The following RGMA variants were observed in gnomAD, a reference collection of about 807,000 sequenced individuals.
The protein encoded by RGMA is repulsive guidance molecule BMP co-receptor a.
In RGMA, 10 loss-of-function variants were observed where a neutral mutation model predicts 23.2. The ratio of observed to expected loss-of-function variants is 0.43; its 90% CI spans 0.27 to 0.73. The LOEUF is 0.73. Ranked by LOEUF, RGMA falls within the 30% of genes least tolerant of loss-of-function variation. The pLI is 0.20. For synonymous variants in RGMA, 308 were observed against 279.3 expected, an observed-to-expected ratio of 1.10 and a Z score of -1.03; for missense variants, 547 against 630.5, an observed-to-expected ratio of 0.87 and a Z score of 1.42.
At chr15:93,054,533 C>T (rs903658416) in intron 2 of RGMA, among the ~76,000 whole-genome samples, 1 of 152,210 alleles carries the variant, frequency 6.6e-6, no homozygotes. Context: ...TTCCCCTGCA[C>T]ATGCTCTCTT....
At chr15:93,074,374 G>C (rs1293232479) in intron 1 of RGMA, among the ~76,000 whole-genome samples, 1 of 152,198 alleles carries the variant, frequency 6.6e-6, no homozygotes, top group Non-Finnish European at 1.5e-5. Flanking sequence ...GTGTGGAGAG[G>C]AGCAAGTTTG....
intron 2 of RGMA, chr15:93,066,614 G>A: frequency 2.2e-6 from 1 of 452,168 alleles, no homozygotes; most frequent in Non-Finnish European, 4.3e-6. Context: ...TCGCCGTGGG[G>A]ACTGCCGTCA....
chr15:93,045,167 T>A lies in RGMA; in HGVS notation c.1184A>T (p.Tyr395Phe). ...TGDVNFTLAA[Y>F]YALEDVKMLH... ...CATCTTGACATCCTCCAACGCGTAG[T>A]AGGCGGCCAGTGTGAAGTTCACGTC... The change falls in exon 4 of 4, where the codon TAC becomes TTC. Residue 395 changes from tyrosine (Y) to phenylalanine (F), a missense_variant. Physicochemically the swap from Tyr to Phe is conservative, Grantham distance 22. This residue lies in a region of RGMA where 205 missense variants were observed against 204.1 expected (regional missense o/e 1.00). Coordinates refer to ENST00000329082, the MANE Select transcript of RGMA (RefSeq NM_020211.3). This position sits in a 1 kb window ranked among gnomAD's most constrained non-coding sequence, Gnocchi z 6.9. The A allele has an allele frequency of 6.2e-7, 1 of 1,607,768 alleles. No individual in the cohort carries two copies. Among genetic ancestry groups the A allele is most frequent in the Non-Finnish European group, 8.5e-7 (1 of 1,177,156 alleles).
chr15:93,084,903 A>G (rs1895613695), intron 1 of RGMA, among the ~76,000 whole-genome samples: 2 of 152,168 alleles, frequency 1.3e-5, no homozygotes, highest in Admixed American at 1.3e-4. Context: ...TGACAATACT[A>G]GTAATGTGAG....
intron 1 of RGMA, among the ~76,000 whole-genome samples, chr15:93,074,481 A>G: frequency 6.6e-6 from 1 of 152,190 alleles, no homozygotes. Context: ...AGGGGACCAT[A>G]CCTCAGCCAG....
chr15:93,075,297 T>C (rs965765045), intron 1 of RGMA, among the ~76,000 whole-genome samples: 8 of 152,154 alleles, frequency 5.3e-5, no homozygotes, highest in Non-Finnish European at 5.9e-5. Context: ...TTTCCAAAGC[T>C]ATTTTAAGTA....
intron 1 of RGMA, 71 bp downstream of exon 1, chr15:93,088,848 G>A: frequency 1.5e-6 from 2 of 1,369,828 alleles, no homozygotes; most frequent in South Asian, 1.3e-5. Context: ...CAGCGCCGTG[G>A]CCCCGGCATG....
Position 93,045,068 on chromosome 15 carries a change from A to G in RGMA, c.1283T>C (p.Leu428Pro), listed in dbSNP as rs762256161. The G allele has an allele frequency of 1.3e-6, 2 of 1,572,420 alleles. No individual in the cohort carries two copies. The highest frequency in any genetic ancestry group is 1.7e-6 in the Non-Finnish European group (2 of 1,159,172). The change falls in exon 4 of 4, where the codon CTG becomes CCG. Residue 428 changes from leucine (L) to proline (P), a missense_variant. Physicochemically the swap from Leu to Pro is moderately conservative, Grantham distance 98 (BLOSUM62 -3). This residue lies in a region of RGMA where 205 missense variants were observed against 204.1 expected (regional missense o/e 1.00). Transcript: ENST00000329082. The surrounding 1 kb of genome is among the most constrained non-coding windows in gnomAD (Gnocchi z 6.9). ...RDLPGRAAAG[L>P]PLAPRPLLGA... ...CAGGAGGGGCCGGGGGGCCAGGGGC[A>G]GCCCCGCAGCCGCCCTGCCTGGCAG...
At chr15:93,085,766 A>G (rs1353478229) in intron 1 of RGMA, among the ~76,000 whole-genome samples, 1 of 152,178 alleles carries the variant, frequency 6.6e-6, no homozygotes, top group East Asian at 1.9e-4. Context: ...AAAGTTTCAC[A>G]CCTCACTAGG....
At chr15:93,080,088 A>C (rs1298952481) in intron 1 of RGMA, among the ~76,000 whole-genome samples, 1 of 152,184 alleles carries the variant, frequency 6.6e-6, no homozygotes, top group Non-Finnish European at 1.5e-5. Flanking sequence ...CAAAAATTTA[A>C]AAATTTTACC....
At chr15:93,066,719 G>A in intron 2 of RGMA, 1 of 352,638 alleles carries the variant, frequency 2.8e-6, no homozygotes, top group South Asian at 2.1e-5. Context: ...AGACAGGTTG[G>A]CCAGGCTGGT....
chr15:93,062,737 C>T (rs1004387024), intron 2 of RGMA: 8 of 152,272 alleles, frequency 5.3e-5, no homozygotes, highest in African/African-American at 1.9e-4. Flanking sequence ...CCCAAGGCTG[C>T]TTCTCCCACC....
At chr15:93,078,971 C>T (rs1038658451) in intron 1 of RGMA, among the ~76,000 whole-genome samples, 4 of 152,220 alleles carry the variant, frequency 2.6e-5, no homozygotes, top group Admixed American at 6.5e-5. Flanking sequence ...AACAGACTTG[C>T]GCCTGCAAAA....
chr15:93,073,297 T>G (rs1895401898), intron 1 of RGMA: 1 of 714,204 alleles, frequency 1.4e-6, no homozygotes, highest in South Asian at 6.5e-5. Flanking sequence ...GCCGGCGAGG[T>G]AGCCGGAGGC....
intron 2 of RGMA, among the ~76,000 whole-genome samples, chr15:93,056,475 C>T (rs2055016507): frequency 6.6e-6 from 1 of 152,178 alleles, no homozygotes; most frequent in Non-Finnish European, 1.5e-5. Flanking sequence ...CAGACCCCAC[C>T]CACTCTAAGA....
rs142539448 is a variant in RGMA at position 93,051,752 on chromosome 15, G to C, written c.645+241C>G. Among the ~76,000 whole-genome samples the C allele has an allele frequency of 6.6e-5, 10 of 152,350 alleles. No individual in the cohort carries two copies. The East Asian group carries it at 1.9e-3, about 29-fold the overall frequency. ...GGTGGGAAGGTCACTTGGCCTCTTA[G>C]AGCATCAGGCTCCCCATTTGTGAAG... On this transcript the variant is annotated intron_variant, in intron 3 of 3. Coordinates refer to ENST00000329082, the MANE Select transcript of RGMA (RefSeq NM_020211.3).
At chr15:93,070,702 G>A in intron 2 of RGMA, among the ~76,000 whole-genome samples, 1 of 152,320 alleles carries the variant, frequency 6.6e-6, no homozygotes, top group Admixed American at 6.5e-5. Context: ...GGGCAATTTT[G>A]ACTAAACGCA....
chr15:93,074,907 C>G (rs1052854672), intron 1 of RGMA, among the ~76,000 whole-genome samples: 1 of 152,186 alleles, frequency 6.6e-6, no homozygotes, highest in African/African-American at 2.4e-5. Context: ...TAGAGTCTCT[C>G]GCCAATGAGA....
intron 2 of RGMA, among the ~76,000 whole-genome samples, chr15:93,052,913 A>G (rs763997453): frequency 2.0e-5 from 3 of 152,230 alleles, no homozygotes; most frequent in Non-Finnish European, 4.4e-5. Context: ...TGGCCCCACT[A>G]TTAAATGTGT....
Sources: gnomAD v4.1 joint callset for allele counts (sites outside exome capture counted in the v4.1 genomes callset) on GRCh38, gnomAD v4.1.1 for gene constraint, gnomAD v4.1.1 regional missense constraint, Gnocchi (gnomAD v3.1) non-coding constraint, MANE v1.5 for transcripts, NCBI Gene and HGNC (gene_info 2026-07-23, HGNC 2026-07-21) for gene names.